The following ARHGAP8 variants were observed in gnomAD, a reference collection of about 807,000 sequenced individuals.
ARHGAP8 encodes rho GTPase-activating protein 8.
In ARHGAP8, 62 loss-of-function variants were observed where a neutral mutation model predicts 46.1. The ratio of observed to expected loss-of-function variants is 1.34; its 90% CI spans 1.10 to 1.66. The LOEUF (loss-of-function observed/expected upper bound fraction) is 1.66. Ranked by LOEUF, ARHGAP8 falls within the 40% of genes most tolerant of loss-of-function variation. The pLI, the probability that ARHGAP8 is intolerant of heterozygous loss-of-function variation, is 0.00. For synonymous variants in ARHGAP8, 375 were observed against 243.1 expected (o/e 1.54, Z -5.05); for missense variants, 923 against 568.4 (o/e 1.62, Z -6.34).
Position 44,802,491 on chromosome 22 carries a change from C to T in ARHGAP8, c.167+327C>T, listed in dbSNP as rs564567103. Among the ~76,000 whole-genome samples, 16 of 152,326 alleles carry T rather than the reference C, an allele frequency of 1.1e-4. No individual in the cohort carries two copies. In the East Asian group the frequency reaches 1.4e-3, roughly 13 times the overall value. ...GCGAACCTTGCAGATGACACGGCTG[C>T]CGAGCGCCAGGCCTCCCCCACGCAC... On this transcript the variant is annotated intron_variant, in intron 3 of 11. Coordinates refer to ENST00000356099, the MANE Select transcript of ARHGAP8 (RefSeq NM_181335.3).
At chr22:44,856,351 A>G (rs990143750) in intron 10 of ARHGAP8, among the ~76,000 whole-genome samples, 1 of 138,410 alleles carries the variant, frequency 7.2e-6, no homozygotes, top group Non-Finnish European at 1.5e-5. Context: ...TCTACTCACT[A>G]CAACCTCTGC....
chr22:44,780,554 C>T (rs1000597573), intron 1 of ARHGAP8, among the ~76,000 whole-genome samples: 1 of 151,606 alleles, frequency 6.6e-6, no homozygotes, highest in African/African-American at 2.4e-5. Flanking sequence ...CCCAGCTACT[C>T]AGGAGGCTGA....
At chr22:44,754,008 C>T (rs967411335) in intron 1 of ARHGAP8, among the ~76,000 whole-genome samples, 16 of 152,282 alleles carry the variant, frequency 1.1e-4, no homozygotes, top group African/African-American at 3.8e-4. Context: ...CCCAAACCAA[C>T]GCCAGAGTTG....
chr22:44,771,100 C>G (rs181019252), intron 1 of ARHGAP8, among the ~76,000 whole-genome samples: 1 of 152,146 alleles, frequency 6.6e-6, no homozygotes, highest in Non-Finnish European at 1.5e-5. Context: ...TCAGTTTGTT[C>G]TTTGTTGGCA....
intron 11 of ARHGAP8, among the ~76,000 whole-genome samples, chr22:44,862,062 C>T (rs2071761): frequency 0.17 from 25,749 of 152,202 alleles, 2,534 homozygotes; most frequent in East Asian, 0.35. Flanking sequence ...GAGGGTCCTC[C>T]AGGACATGGA....
intron 7 of ARHGAP8, among the ~76,000 whole-genome samples, chr22:44,830,930 G>A (rs1432078001): frequency 6.6e-6 from 1 of 152,170 alleles, no homozygotes; most frequent in East Asian, 1.9e-4. Flanking sequence ...TAACGCTGTT[G>A]AGCATCTTTT....
Position 44,840,921 on chromosome 22 carries a change from A to G in ARHGAP8, c.597-4348A>G, listed in dbSNP as rs187440445. On this transcript the variant is annotated intron_variant, in intron 7 of 11. Transcript: ENST00000356099. ...GGCCTTTGGGGAGGTCTGGCTGGGA[A>G]GGGGCTTGTGGCCGGATAAGCGCCT... Among the ~76,000 whole-genome samples the G allele has an allele frequency of 1.9e-4, 29 of 152,292 alleles. No individual in the cohort carries two copies. The East Asian group carries it at 5.6e-3, about 29-fold the overall frequency.
intron 1 of ARHGAP8, among the ~76,000 whole-genome samples, chr22:44,757,366 G>A (rs900797867): frequency 1.2e-4 from 18 of 150,686 alleles, no homozygotes; most frequent in Middle Eastern, 3.4e-3. Flanking sequence ...CAACCTCCGC[G>A]TCCCGGGTTC....
chr22:44,827,336 GTTTTTTTTTTT>G (rs796490147), intron 7 of ARHGAP8, among the ~76,000 whole-genome samples: 4 of 67,268 alleles, frequency 5.9e-5, no homozygotes, highest in African/African-American at 2.3e-4. Flanking sequence ...TTGGGTGGTG[GTTTTTTTTTTT>G]TTTTTTTTTT....
intron 1 of ARHGAP8, among the ~76,000 whole-genome samples, chr22:44,754,466 G>A (rs752064049): frequency 2.0e-5 from 3 of 151,738 alleles, no homozygotes; most frequent in South Asian, 2.1e-4. Flanking sequence ...AGTGCTTCTC[G>A]TGCCTCAGCA....
At chr22:44,786,733 A>G in intron 2 of ARHGAP8, 127 bp downstream of exon 2, 2 of 1,375,762 alleles carry the variant, frequency 1.5e-6, no homozygotes, top group Non-Finnish European at 2.0e-6. Flanking sequence ...ATCTAATTAG[A>G]GCCAGGTGCA....
intron 7 of ARHGAP8, among the ~76,000 whole-genome samples, chr22:44,829,709 ATTTG>A (rs1327609503): frequency 5.3e-5 from 8 of 151,124 alleles, no homozygotes; most frequent in African/African-American, 9.7e-5. Flanking sequence ...TAGATATGTA[ATTTG>A]TTTGGACTAT....
chr22:44,860,198 A>T (rs1320949747), intron 11 of ARHGAP8, among the ~76,000 whole-genome samples: 8 of 144,876 alleles, frequency 5.5e-5, no homozygotes, highest in African/African-American at 1.5e-4. Context: ...CAGTGGACTG[A>T]GCTGACCATT....
At chr22:44,796,954 T>C (rs1928133566) in intron 2 of ARHGAP8, among the ~76,000 whole-genome samples, 1 of 152,190 alleles carries the variant, frequency 6.6e-6, no homozygotes, top group Admixed American at 6.5e-5. Flanking sequence ...TACAAGCCGT[T>C]GCAGACATAG....
chr22:44,775,148 A>G lies in ARHGAP8; in HGVS notation c.-71-11309A>G, dbSNP rs539368561. 2.0e-4 allele frequency among the ~76,000 whole-genome samples: 30 copies of G among 152,228 alleles called. No individual in the cohort carries two copies. In the East Asian group the frequency reaches 4.3e-3, roughly 22 times the overall value. On this transcript the variant is annotated intron_variant, in intron 1 of 11. Coordinates refer to ENST00000356099, the MANE Select transcript of ARHGAP8 (RefSeq NM_181335.3). The stretch of plus-strand genomic sequence containing the variant: ...TGTGCAGCCTTGGGGAATATTTTTT[A>G]ATAGAAATTCCAAGAGGCAAAGGTT...
At chr22:44,817,511 G>C (rs1929836249) in intron 5 of ARHGAP8, among the ~76,000 whole-genome samples, 1 of 152,164 alleles carries the variant, frequency 6.6e-6, no homozygotes, top group Non-Finnish European at 1.5e-5. Context: ...CCTTAGAAAA[G>C]TCCTTAGAGG....
At chr22:44,796,144 C>A (rs1477280777) in intron 2 of ARHGAP8, among the ~76,000 whole-genome samples, 7 of 152,226 alleles carry the variant, frequency 4.6e-5, no homozygotes, top group African/African-American at 1.7e-4. Flanking sequence ...TCTCTGAACA[C>A]CCCCTGAGGT....
At chr22:44,801,869 G>C (rs11704704) in intron 2 of ARHGAP8, 5 of 594,982 alleles carry the variant, frequency 8.4e-6, no homozygotes, top group Middle Eastern at 4.1e-4. Flanking sequence ...TATTTCCAGC[G>C]TACGGCTGGT....
At chr22:44,790,615 G>A (rs1027626499) in intron 2 of ARHGAP8, among the ~76,000 whole-genome samples, 8 of 137,850 alleles carry the variant, frequency 5.8e-5, no homozygotes, top group Non-Finnish European at 1.2e-4. Context: ...GACCGAGGTT[G>A]CAGTGAGCCA....
Sources: allele counts gnomAD v4.1 joint callset (sites outside exome capture counted in the v4.1 genomes callset), GRCh38; gene constraint gnomAD v4.1.1; transcripts MANE v1.5; gene names NCBI Gene and HGNC (gene_info 2026-07-23, HGNC 2026-07-21).